The following DISP1 variants were observed in gnomAD, a reference collection of about 807,000 sequenced individuals.
The protein encoded by DISP1 is dispatched RND transporter family member 1, also known as protein dispatched homolog 1.
In DISP1, 30 loss-of-function variants were observed where a neutral mutation model predicts 37.3. That is an observed-to-expected ratio of 0.80 (90% confidence interval 0.60 to 1.09). The LOEUF (loss-of-function observed/expected upper bound fraction) is 1.09, where lower values mean the gene tolerates loss of function less well. DISP1 is among the 50% of genes least tolerant of loss of function. The pLI is 0.00. For missense variants in DISP1, 1,598 were observed against 1,879.5 expected, an observed-to-expected ratio of 0.85 and a Z score of 2.77; for synonymous variants, 634 against 690.2, an observed-to-expected ratio of 0.92 and a Z score of 1.28.
intron 1 of DISP1, among the ~76,000 whole-genome samples, chr1:222,870,756 T>C (rs1669514703): frequency 6.6e-6 from 1 of 152,230 alleles, no homozygotes; most frequent in Admixed American, 6.5e-5. Context: ...TTCACTCTGA[T>C]GGTGGTTTCT....
intron 1 of DISP1, among the ~76,000 whole-genome samples, chr1:222,868,317 A>G (rs1046199370): frequency 6.6e-6 from 1 of 152,066 alleles, no homozygotes. Context: ...GTGTTATCCA[A>G]TGAAAAAAAT....
At chr1:222,986,369 T>C (rs114658827) in intron 4 of DISP1, among the ~76,000 whole-genome samples, 4,010 of 152,312 alleles carry the variant, frequency 0.026, 162 homozygotes, top group African/African-American at 0.091. Flanking sequence ...GTAATATAAA[T>C]GACCCACTTA....
chr1:222,951,940 G>A (rs1445414732), intron 3 of DISP1, among the ~76,000 whole-genome samples: 3 of 152,202 alleles, frequency 2.0e-5, no homozygotes, highest in Admixed American at 6.6e-5. Context: ...CAAGTTTTAT[G>A]TGTAAACTTT....
chr1:222,956,985 G>A (rs1409987265), intron 3 of DISP1, among the ~76,000 whole-genome samples: 1 of 151,964 alleles, frequency 6.6e-6, no homozygotes, highest in Non-Finnish European at 1.5e-5. Flanking sequence ...ATGGGACTGT[G>A]CTTTATAACC....
chr1:222,870,360 T>G (rs1267182283), intron 1 of DISP1, among the ~76,000 whole-genome samples: 15 of 152,322 alleles, frequency 9.8e-5, no homozygotes, highest in East Asian at 1.9e-4. Flanking sequence ...CTGAGGAATC[T>G]GCACACTGAC....
At chr1:222,840,903 A>G (rs1027227912) in intron 1 of DISP1, among the ~76,000 whole-genome samples, 10 of 152,120 alleles carry the variant, frequency 6.6e-5, no homozygotes, top group African/African-American at 2.4e-4. Flanking sequence ...CAAAACCCCA[A>G]TTTGTGCATA....
intron 1 of DISP1, among the ~76,000 whole-genome samples, chr1:222,908,236 A>T (rs1672018240): frequency 6.6e-6 from 1 of 152,220 alleles, no homozygotes; most frequent in Non-Finnish European, 1.5e-5. Context: ...AGATAAAGTT[A>T]TCAATCAAAG....
At chr1:222,850,419 A>G (rs1668156217) in intron 1 of DISP1, among the ~76,000 whole-genome samples, 1 of 144,346 alleles carries the variant, frequency 6.9e-6, no homozygotes, top group African/African-American at 2.4e-5. Flanking sequence ...TCCAACTGCT[A>G]CACTTTTTTT....
intron 3 of DISP1, among the ~76,000 whole-genome samples, chr1:222,964,517 T>C (rs544442738): frequency 6.0e-4 from 92 of 152,306 alleles, no homozygotes; most frequent in African/African-American, 2.0e-3. Context: ...GCTTACTACG[T>C]AGCAGGTGCT....
At chr1:222,839,607 G>A (rs1200832813) in intron 1 of DISP1, among the ~76,000 whole-genome samples, 1 of 152,072 alleles carries the variant, frequency 6.6e-6, no homozygotes, top group Non-Finnish European at 1.5e-5. Context: ...ATATCCTGAT[G>A]AACCCATTGG....
chr1:222,886,281 T>C (rs555535655), intron 1 of DISP1, among the ~76,000 whole-genome samples: 4 of 152,344 alleles, frequency 2.6e-5, no homozygotes, highest in African/African-American at 9.6e-5. Context: ...GAAGCAACGC[T>C]TTGAGGTTTA....
At chr1:222,928,747 C>T (rs1468602154) in intron 2 of DISP1, among the ~76,000 whole-genome samples, 177 bp downstream of exon 2, 7 of 151,996 alleles carry the variant, frequency 4.6e-5, no homozygotes, top group Non-Finnish European at 1.5e-5. Flanking sequence ...CATTTTAACA[C>T]ATTAAAATCT....
chr1:222,858,015 CCAGACTT>C, intron 1 of DISP1, among the ~76,000 whole-genome samples: 1 of 151,896 alleles, frequency 6.6e-6, no homozygotes, highest in Non-Finnish European at 1.5e-5. Context: ...GCATCTGTTA[CCAGACTT>C]CAGACTTCAA....
intron 1 of DISP1, among the ~76,000 whole-genome samples, chr1:222,817,202 G>C (rs1661463746): frequency 6.6e-6 from 1 of 152,214 alleles, no homozygotes; most frequent in Admixed American, 6.5e-5. Flanking sequence ...GGATTTAGAT[G>C]TATTTTACAG....
intron 2 of DISP1, among the ~76,000 whole-genome samples, chr1:222,935,253 G>A (rs556707835): frequency 2.8e-4 from 42 of 152,160 alleles, no homozygotes; most frequent in Non-Finnish European, 6.0e-4. Flanking sequence ...TAGGGAGCAT[G>A]ACTCTTCTGA....
intron 7 of DISP1, among the ~76,000 whole-genome samples, chr1:222,993,803 A>G (rs1678869372): frequency 6.6e-6 from 1 of 152,222 alleles, no homozygotes; most frequent in African/African-American, 2.4e-5. Flanking sequence ...ATGCTGTCTC[A>G]TAAGTAGATT....
chr1:222,977,900 G>A (rs113710655), intron 3 of DISP1, among the ~76,000 whole-genome samples: 3 of 152,320 alleles, frequency 2.0e-5, no homozygotes, highest in East Asian at 3.9e-4. Context: ...ATTCCATGGT[G>A]TATATGTGCC....
At chr1:223,000,372 C>T (rs902955540) in intron 8 of DISP1, among the ~76,000 whole-genome samples, 1 of 152,048 alleles carries the variant, frequency 6.6e-6, no homozygotes, top group Non-Finnish European at 1.5e-5. Context: ...TCAGTTTTCC[C>T]TAAGTTAGCG....
chr1:222,853,944 T>TA (rs1558294009), intron 1 of DISP1, among the ~76,000 whole-genome samples: 1 of 152,218 alleles, frequency 6.6e-6, no homozygotes, highest in Admixed American at 6.5e-5. Flanking sequence ...ATGAATATGC[T>TA]AACTACCCTC....
Sources: gnomAD v4.1 joint callset for allele counts (sites outside exome capture counted in the v4.1 genomes callset) on GRCh38, gnomAD v4.1.1 for gene constraint, MANE v1.5 for transcripts, NCBI Gene and HGNC (gene_info 2026-07-23, HGNC 2026-07-21) for gene names.